The following SIPA1L1 variants were observed in gnomAD, a reference collection of about 807,000 sequenced individuals.
The protein encoded by SIPA1L1 is signal-induced proliferation-associated 1-like protein 1.
In SIPA1L1, 26 loss-of-function variants were observed where a neutral mutation model predicts 162.7. The observed-to-expected ratio is 0.16, with a 90% CI of 0.12 to 0.22. The LOEUF is 0.22. SIPA1L1 is among the 10% of genes least tolerant of loss of function. The pLI is 1.00. For synonymous variants in SIPA1L1, 829 were observed against 837.4 expected (o/e 0.99, Z 0.17); for missense variants, 1,874 against 2,241.0 (o/e 0.84, Z 3.31).
At chr14:71,365,341 T>C (rs1055083205) in intron 2 of SIPA1L1, among the ~76,000 whole-genome samples, 36 of 152,118 alleles carry the variant, frequency 2.4e-4, no homozygotes, top group Non-Finnish European at 4.7e-4. Flanking sequence ...CTTGAATTAC[T>C]TGCCTACCTA....
intron 2 of SIPA1L1, among the ~76,000 whole-genome samples, chr14:71,335,702 G>C (rs2035023810): frequency 6.6e-6 from 1 of 152,254 alleles, no homozygotes; most frequent in African/African-American, 2.4e-5. Flanking sequence ...TTGAGCAAAA[G>C]GACCTCTCTC....
chr14:71,594,215 T>C (rs1043642549), intron 5 of SIPA1L1, among the ~76,000 whole-genome samples: 8 of 152,226 alleles, frequency 5.3e-5, no homozygotes, highest in African/African-American at 1.9e-4. Context: ...ACCACACTTA[T>C]CTTGATTTGT....
intron 4 of SIPA1L1, among the ~76,000 whole-genome samples, chr14:71,542,543 T>C (rs1368887583): frequency 7.1e-6 from 1 of 141,486 alleles, no homozygotes; most frequent in Non-Finnish European, 1.5e-5. Flanking sequence ...CCTCCTCCTC[T>C]CTTCCTCCTC....
chr14:71,672,708 T>A, intron 12 of SIPA1L1, 86 bp downstream of exon 12: 2 of 1,410,766 alleles, frequency 1.4e-6, no homozygotes, highest in Non-Finnish European at 1.9e-6. Flanking sequence ...GGTAGTGGAG[T>A]AGGGTGTTGT....
intron 7 of SIPA1L1, among the ~76,000 whole-genome samples, chr14:71,635,537 G>A (rs1359401006): frequency 1.3e-5 from 2 of 152,188 alleles, no homozygotes; most frequent in Non-Finnish European, 2.9e-5. Context: ...GTAAAACGGT[G>A]CATGTAGATA....
At position 71,667,772 on chromosome 14, in the gene SIPA1L1, G is replaced by A. The variant is rs571965900; in HGVS notation, c.2256-3347G>A. Among the ~76,000 whole-genome samples, 8 of 152,192 alleles carry A rather than the reference G, an allele frequency of 5.3e-5. No homozygotes were observed. In the South Asian group the frequency reaches 1.7e-3, roughly 32 times the overall value. Reference sequence around the variant, plus strand: ...TTTTTATCCACTAAACTGTTCAGAAGTCTTTGAAACAGGCCGGGCGTGTTG... The same window carrying A: ...TTTTTATCCACTAAACTGTTCAGAAATCTTTGAAACAGGCCGGGCGTGTTG... On this transcript the variant is annotated intron_variant, in intron 10 of 23. Coordinates refer to ENST00000381232, the MANE Select transcript of SIPA1L1 (RefSeq NM_001386936.1).
At chr14:71,442,540 C>T (rs1354931977) in intron 2 of SIPA1L1, among the ~76,000 whole-genome samples, 1 of 151,902 alleles carries the variant, frequency 6.6e-6, no homozygotes, top group Non-Finnish European at 1.5e-5. Context: ...AAATTTTTTT[C>T]TTTGTGTTGT....
chr14:71,695,609 G>A (rs767818379), intron 13 of SIPA1L1, among the ~76,000 whole-genome samples: 5 of 152,128 alleles, frequency 3.3e-5, no homozygotes, highest in African/African-American at 7.2e-5. Flanking sequence ...AACGTTCACC[G>A]TAAATATACT....
intron 2 of SIPA1L1, among the ~76,000 whole-genome samples, chr14:71,388,437 A>G (rs2040504242): frequency 6.6e-6 from 1 of 152,252 alleles, no homozygotes; most frequent in Admixed American, 6.5e-5. Context: ...TTAAGAGTGC[A>G]TAGCTTCTAC....
chr14:71,710,639 C>A (rs996467434), intron 17 of SIPA1L1, among the ~76,000 whole-genome samples: 1 of 152,000 alleles, frequency 6.6e-6, no homozygotes, highest in African/African-American at 2.4e-5. Context: ...GAAACCCCGT[C>A]TCTACTAAAA....
chr14:71,644,309 T>C (rs918934831), intron 7 of SIPA1L1, among the ~76,000 whole-genome samples: 2 of 152,242 alleles, frequency 1.3e-5, no homozygotes, highest in African/African-American at 4.8e-5. Context: ...CATGTAATCA[T>C]GGCTCACTAT....
At chr14:71,441,762 C>T (rs765249167) in intron 2 of SIPA1L1, among the ~76,000 whole-genome samples, 19 of 152,092 alleles carry the variant, frequency 1.2e-4, no homozygotes, top group Non-Finnish European at 2.2e-4. Flanking sequence ...CTCTTAGTTC[C>T]GTAGGTTTTA....
chr14:71,366,842 A>G (rs917523721), intron 2 of SIPA1L1, among the ~76,000 whole-genome samples: 1 of 152,164 alleles, frequency 6.6e-6, no homozygotes, highest in Non-Finnish European at 1.5e-5. Flanking sequence ...ATGTTAAAGG[A>G]TTTTTGTAAA....
At chr14:71,447,972 G>A (rs1181782562) in intron 2 of SIPA1L1, among the ~76,000 whole-genome samples, 1 of 152,146 alleles carries the variant, frequency 6.6e-6, no homozygotes, top group Non-Finnish European at 1.5e-5. Flanking sequence ...TCCAAGGTTT[G>A]TTGAGCCCCT....
intron 12 of SIPA1L1, among the ~76,000 whole-genome samples, chr14:71,677,073 A>T (rs1424202461): frequency 6.6e-6 from 1 of 152,228 alleles, no homozygotes; most frequent in Non-Finnish European, 1.5e-5. Flanking sequence ...TGGTTGAACT[A>T]GTTTACACTC....
intron 4 of SIPA1L1, among the ~76,000 whole-genome samples, chr14:71,567,435 C>T (rs946302487): frequency 7.3e-5 from 11 of 151,230 alleles, no homozygotes; most frequent in African/African-American, 2.4e-4. Flanking sequence ...TTTGTAGCAA[C>T]GTGGAGAAAT....
intron 2 of SIPA1L1, among the ~76,000 whole-genome samples, chr14:71,391,429 G>A (rs529350888): frequency 1.3e-5 from 2 of 152,270 alleles, no homozygotes; most frequent in East Asian, 3.9e-4. Flanking sequence ...TAGTCTATAG[G>A]CTGGGAATGT....
chr14:71,464,512 A>G (rs1051824011), intron 2 of SIPA1L1, among the ~76,000 whole-genome samples: 2 of 152,060 alleles, frequency 1.3e-5, no homozygotes, highest in African/African-American at 4.8e-5. Flanking sequence ...CTGGTGGCAC[A>G]CGTCTGGAAT....
At chr14:71,376,699 A>G (rs899734744) in intron 2 of SIPA1L1, among the ~76,000 whole-genome samples, 12 of 152,092 alleles carry the variant, frequency 7.9e-5, no homozygotes, top group Admixed American at 6.6e-5. Context: ...TTTCCTAGGC[A>G]GAGGACCCTG....
Sources: gnomAD v4.1 joint callset for allele counts (sites outside exome capture counted in the v4.1 genomes callset) on GRCh38, gnomAD v4.1.1 for gene constraint, MANE v1.5 for transcripts, NCBI Gene and HGNC (gene_info 2026-07-23, HGNC 2026-07-21) for gene names.